Variants in SRBD1 observed in about 807,000 individuals in gnomAD.
SRBD1 encodes the protein S1 RNA-binding domain-containing protein 1.
A neutral mutation model predicts 115.3 loss-of-function variants in SRBD1; 88 were observed. That is an observed-to-expected ratio of 0.76 (90% CI 0.64 to 0.91). The LOEUF is 0.91. Ranked by LOEUF, SRBD1 falls within the 40% of genes least tolerant of loss-of-function variation. The pLI is 0.00. For missense variants in SRBD1, 1,385 were observed against 1,177.4 expected (o/e 1.18, Z -2.58); for synonymous variants, 509 against 407.7 (o/e 1.25, Z -2.99).
Position 45,488,327 on chromosome 2 carries a change from C to A in SRBD1, c.1879G>T (p.Val627Phe), listed in dbSNP as rs776294651. 6.2e-6 allele frequency: 10 copies of A among 1,612,872 alleles called. No individual in the cohort carries two copies. In the East Asian group the frequency reaches 2.0e-4, roughly 32 times the overall value. ...TAGATTGATGCTCCTGCTTCACTGA[C>A]GATACTGAGAAGACAGAAAAAGGGG... ...FAPLDVVYCI[V>F]SEAGASIYSV... The change falls in exon 15 of 21, where the codon GTC becomes TTC. Residue 627 changes from valine (V) to phenylalanine (F), a missense_variant. By Grantham distance (50) the Val-to-Phe change is conservative. Transcript: ENST00000263736.
chr2:45,510,888 G>C (rs1670945788), intron 14 of SRBD1, among the ~76,000 whole-genome samples: 1 of 152,122 alleles, frequency 6.6e-6, no homozygotes, highest in South Asian at 2.1e-4. Context: ...ATCACATGCA[G>C]GCTGCAACTC....
intron 4 of SRBD1, among the ~76,000 whole-genome samples, chr2:45,592,935 G>A (rs1037823921): frequency 2.6e-5 from 4 of 152,156 alleles, no homozygotes; most frequent in Non-Finnish European, 5.9e-5. Context: ...AAACAACAAA[G>A]AAACAACTAA....
At chr2:45,606,206 C>A (rs1024912010) in intron 1 of SRBD1, among the ~76,000 whole-genome samples, 2 of 140,332 alleles carry the variant, frequency 1.4e-5, no homozygotes, top group African/African-American at 5.3e-5. Context: ...GCTGTCCAAG[C>A]TGGAGTGCAA....
chr2:45,492,725 C>A (rs1388156351), intron 14 of SRBD1, among the ~76,000 whole-genome samples: 2 of 152,180 alleles, frequency 1.3e-5, no homozygotes, highest in Non-Finnish European at 2.9e-5. Flanking sequence ...AGGCGCAAGC[C>A]ACTGCGCCCA....
intron 14 of SRBD1, among the ~76,000 whole-genome samples, chr2:45,492,590 C>T (rs998346648): frequency 2.6e-5 from 4 of 152,190 alleles, no homozygotes; most frequent in Non-Finnish European, 5.9e-5. Context: ...AGGCGCCCGC[C>T]ACCACACCTG....
chr2:45,395,354 G>A (rs572610193), intron 19 of SRBD1, among the ~76,000 whole-genome samples: 2 of 152,178 alleles, frequency 1.3e-5, no homozygotes, highest in East Asian at 3.8e-4. Flanking sequence ...AAGGTTGCTT[G>A]CACATGTGTA....
chr2:45,502,888 C>G (rs1670679882), intron 14 of SRBD1, among the ~76,000 whole-genome samples: 2 of 152,034 alleles, frequency 1.3e-5, no homozygotes, highest in South Asian at 4.2e-4. Context: ...GGCATGATCA[C>G]AGCTCAATGC....
At chr2:45,400,135 CTGAA>C (rs1427128533) in intron 19 of SRBD1, among the ~76,000 whole-genome samples, 6 of 152,230 alleles carry the variant, frequency 3.9e-5, no homozygotes, top group African/African-American at 1.4e-4. Context: ...TAGTTGTCCT[CTGAA>C]TGGGCAAAAA....
intron 19 of SRBD1, among the ~76,000 whole-genome samples, chr2:45,397,512 CAGA>C (rs768228655): frequency 2.0e-5 from 3 of 152,182 alleles, no homozygotes; most frequent in African/African-American, 4.8e-5. Flanking sequence ...GATTAGCTTA[CAGA>C]AGGAGTGCTG....
chr2:45,410,819 C>A (rs1278655160), intron 19 of SRBD1, among the ~76,000 whole-genome samples: 1 of 152,226 alleles, frequency 6.6e-6, no homozygotes, highest in Non-Finnish European at 1.5e-5. Context: ...CAATGAGCTT[C>A]TAGATAGCTC....
intron 5 of SRBD1, among the ~76,000 whole-genome samples, chr2:45,583,732 G>A (rs1391919179): frequency 2.6e-5 from 4 of 151,976 alleles, no homozygotes; most frequent in African/African-American, 9.7e-5. Flanking sequence ...CTGAGCTCAA[G>A]AAAAAATAAA....
At chr2:45,429,134 C>A (rs1291432645) in intron 16 of SRBD1, among the ~76,000 whole-genome samples, 1 of 152,112 alleles carries the variant, frequency 6.6e-6, no homozygotes, top group Non-Finnish European at 1.5e-5. Flanking sequence ...ATAACAAGTT[C>A]TGAAATTGAG....
chr2:45,410,799 G>T (rs1336931000), intron 19 of SRBD1, among the ~76,000 whole-genome samples: 3 of 152,160 alleles, frequency 2.0e-5, no homozygotes, highest in Non-Finnish European at 2.9e-5. Flanking sequence ...AACCCAAAAG[G>T]CCTGGGTTCC....
At chr2:45,502,594 C>T (rs1670668038) in intron 14 of SRBD1, among the ~76,000 whole-genome samples, 1 of 151,744 alleles carries the variant, frequency 6.6e-6, no homozygotes, top group South Asian at 2.1e-4. Context: ...GAAAACCATA[C>T]ACCGCATGTT....
chr2:45,498,286 T>C (rs775003339), intron 14 of SRBD1, among the ~76,000 whole-genome samples: 60 of 152,298 alleles, frequency 3.9e-4, no homozygotes, highest in Non-Finnish European at 6.9e-4. Context: ...TTACGTATTC[T>C]AACTGCAAGT....
At chr2:45,473,915 C>T (rs887256958) in intron 16 of SRBD1, among the ~76,000 whole-genome samples, 2 of 152,134 alleles carry the variant, frequency 1.3e-5, no homozygotes, top group Non-Finnish European at 2.9e-5. Context: ...ATCAGATGAA[C>T]GCTGAAGGTT....
At chr2:45,428,439 T>C (rs1455101783) in intron 16 of SRBD1, among the ~76,000 whole-genome samples, 2 of 152,040 alleles carry the variant, frequency 1.3e-5, no homozygotes, top group Non-Finnish European at 2.9e-5. Context: ...TAGTCCCAGC[T>C]ACTCGGGAGG....
At chr2:45,488,421 A>AG in intron 14 of SRBD1, 90 bp from the exon 15 acceptor site, 1 of 1,039,536 alleles carries the variant, frequency 9.6e-7, no homozygotes, top group Non-Finnish European at 1.4e-6. Context: ...TTACCAGAAA[A>AG]AAAAAAATAA....
intron 16 of SRBD1, among the ~76,000 whole-genome samples, chr2:45,470,104 T>TA (rs1318717118): frequency 5.3e-5 from 8 of 152,194 alleles, no homozygotes; most frequent in Admixed American, 1.3e-4. Context: ...ATTAAGGAAT[T>TA]AAAATGTTTT....
Sources: gnomAD v4.1 joint callset for allele counts (sites outside exome capture counted in the v4.1 genomes callset) on GRCh38, gnomAD v4.1.1 for gene constraint, MANE v1.5 for transcripts, NCBI Gene and HGNC (gene_info 2026-07-23, HGNC 2026-07-21) for gene names.